GLTP: variants seen among roughly 807,000 people sequenced by gnomAD.
GLTP encodes glycolipid transfer protein.
Under a neutral mutation model 24.0 loss-of-function variants are expected in GLTP, and 22 were observed. That is an observed-to-expected ratio of 0.92 (90% CI 0.65 to 1.31). The LOEUF (loss-of-function observed/expected upper bound fraction) is 1.31, where lower values mean the gene tolerates loss of function less well. Ranked by LOEUF, GLTP falls within the 50% of genes most tolerant of loss-of-function variation. The pLI is 0.00. For missense variants in GLTP, 224 were observed against 276.6 expected (o/e 0.81, Z 1.35); for synonymous variants, 92 against 115.9 (o/e 0.79, Z 1.33).
chr12:109,853,277 T>C (rs1259007203), intron 4 of GLTP, among the ~76,000 whole-genome samples: 1 of 152,088 alleles, frequency 6.6e-6, no homozygotes, highest in Middle Eastern at 3.2e-3. Flanking sequence ...TAGTCTCTCT[T>C]TTGTCCTTAG....
chr12:109,852,759 G>A (rs1390940448), intron 4 of GLTP, 22 bp from the exon 5 acceptor site: 6 of 1,573,546 alleles, frequency 3.8e-6, no homozygotes, highest in Non-Finnish European at 5.2e-6. Context: ...CAAGAAGGGA[G>A]GTAGGCACAG....
chr12:109,862,598 T>TAC (rs1868401678), intron 1 of GLTP, among the ~76,000 whole-genome samples: 1 of 152,030 alleles, frequency 6.6e-6, no homozygotes, highest in Non-Finnish European at 1.5e-5. Context: ...CCAAAATGTA[T>TAC]AATGAGCTGG....
At chr12:109,852,862 A>G in intron 4 of GLTP, 125 bp from the exon 5 acceptor site, 1 of 625,584 alleles carries the variant, frequency 1.6e-6, no homozygotes, top group Non-Finnish European at 2.8e-6. Context: ...GTGCTATTTG[A>G]GGTGTTGGAA....
At chr12:109,875,441 G>A (rs1224153992) in intron 1 of GLTP, among the ~76,000 whole-genome samples, 1 of 152,162 alleles carries the variant, frequency 6.6e-6, no homozygotes, top group Non-Finnish European at 1.5e-5. Context: ...CAGGTTTCAA[G>A]CTGGGATGAA....
At chr12:109,873,704 G>A (rs201144756) in intron 1 of GLTP, among the ~76,000 whole-genome samples, 2 of 149,292 alleles carry the variant, frequency 1.3e-5, no homozygotes, top group East Asian at 4.0e-4. Flanking sequence ...AACTACTTAT[G>A]AGGCTGAGGC....
intron 1 of GLTP, among the ~76,000 whole-genome samples, chr12:109,879,667 T>C (rs1334246476): frequency 6.6e-6 from 1 of 152,094 alleles, no homozygotes; most frequent in Non-Finnish European, 1.5e-5. Context: ...ATTTTGCAAC[T>C]CCATCTTCAA....
intron 1 of GLTP, among the ~76,000 whole-genome samples, chr12:109,872,472 A>G (rs2136049117): frequency 6.6e-6 from 1 of 152,200 alleles, no homozygotes; most frequent in East Asian, 1.9e-4. Context: ...ACTCAAAGTG[A>G]CTTCTCCCCT....
intron 1 of GLTP, among the ~76,000 whole-genome samples, chr12:109,868,386 AC>A (rs1447776051): frequency 6.6e-6 from 1 of 152,102 alleles, no homozygotes; most frequent in African/African-American, 2.4e-5. Context: ...CACAGCATAT[AC>A]CTGGAAGTTG....
Position 109,852,690 on chromosome 12 carries a change from G to C in GLTP, c.495C>G (p.Leu165=), listed in dbSNP as rs776928541. 1.2e-6 allele frequency: 2 copies of C among 1,612,754 alleles called. No individual in the cohort carries two copies. Among genetic ancestry groups the C allele is most frequent in the Admixed American group, 3.3e-5 (2 of 60,020 alleles). The part of the protein sequence containing the change: ...APYKSDFLKA[L]SKGQNVTEEE... The stretch of plus-strand genomic sequence containing the variant: ...CCTCCGTAACATTCTGCCCCTTGGA[G>C]AGCGCTTTCAGGAAGTCAGACTTAT... Residue 165 remains leucine, a synonymous_variant, in exon 5 of 5, where the codon CTC becomes CTG. Transcript: ENST00000318348.
intron 1 of GLTP, among the ~76,000 whole-genome samples, chr12:109,872,078 C>T (rs1407379616): frequency 6.6e-6 from 1 of 152,236 alleles, no homozygotes; most frequent in Admixed American, 6.5e-5. Flanking sequence ...TAATCACCAC[C>T]ATCCCAGGAC....
chr12:109,870,676 C>A (rs1460575375), intron 1 of GLTP, among the ~76,000 whole-genome samples: 1 of 152,048 alleles, frequency 6.6e-6, no homozygotes, highest in Non-Finnish European at 1.5e-5. Context: ...ATTATTGACT[C>A]ATTGATTGAT....
Position 109,852,150 on chromosome 12 carries a change from T to C in GLTP, c.*405A>G, listed in dbSNP as rs1892733213. On this transcript the variant is annotated 3_prime_UTR_variant, in exon 5 of 5. Coordinates refer to ENST00000318348, the MANE Select transcript of GLTP (RefSeq NM_016433.4). ...AGGCGTGAGCCACGGTGCCCAGCCA[T>C]CATGTGCTTATTTTTAAAGCGAGGT... 6.4e-6 allele frequency: 1 copy of C among 155,762 alleles called. No individual in the cohort carries two copies. Among genetic ancestry groups the C allele is most frequent in the Admixed American group, 6.4e-5 (1 of 15,528 alleles). 9.6% of individuals were successfully genotyped at this position (155,762 alleles called of 1,614,324 possible).
chr12:109,865,436 G>C (rs1764389446), intron 1 of GLTP, among the ~76,000 whole-genome samples: 2 of 152,062 alleles, frequency 1.3e-5, no homozygotes, highest in African/African-American at 4.8e-5. Context: ...AGACCAGCCT[G>C]ACCAACATGG....
chr12:109,860,004 T>G (rs56329872), intron 1 of GLTP: 101,694 of 151,246 alleles, frequency 0.67, 35,970 homozygotes, highest in African/African-American at 0.88. Context: ...TCCCCGAGAC[T>G]TTTTGCTCCC....
intron 1 of GLTP, among the ~76,000 whole-genome samples, chr12:109,868,313 A>G (rs1241819797): frequency 6.7e-6 from 1 of 148,384 alleles, no homozygotes; most frequent in Non-Finnish European, 1.5e-5. Context: ...ACCCGACCTC[A>G]TTTCCTCTTT....
intron 2 of GLTP, chr12:109,858,020 G>T: frequency 2.3e-6 from 1 of 434,204 alleles, no homozygotes; most frequent in South Asian, 1.8e-5. Flanking sequence ...CCAAGTATCT[G>T]AAGTTTTGCT....
At chr12:109,878,107 C>T (rs1033055192) in intron 1 of GLTP, among the ~76,000 whole-genome samples, 8 of 152,154 alleles carry the variant, frequency 5.3e-5, no homozygotes, top group African/African-American at 1.9e-4. Context: ...AGACAAGGGT[C>T]CTTTGAGACC....
chr12:109,858,812 G>T (rs1892836355), intron 1 of GLTP, 71 bp from the exon 2 acceptor site: 5 of 1,005,206 alleles, frequency 5.0e-6, no homozygotes, highest in African/African-American at 1.6e-5. Context: ...CGCAGGCCAT[G>T]GGGACATGGA....
intron 1 of GLTP, among the ~76,000 whole-genome samples, chr12:109,873,932 C>A (rs1868806691): frequency 6.6e-6 from 1 of 152,200 alleles, no homozygotes; most frequent in Non-Finnish European, 1.5e-5. Context: ...GAGTTATGGA[C>A]CAGCTTGGCG....
Sources: allele counts gnomAD v4.1 joint callset (sites outside exome capture counted in the v4.1 genomes callset), GRCh38; gene constraint gnomAD v4.1.1; transcripts MANE v1.5; gene names NCBI Gene and HGNC (gene_info 2026-07-23, HGNC 2026-07-21).